SNPH: variants seen among roughly 807,000 people sequenced by gnomAD.
SNPH encodes syntaphilin.
SNPH carries 10 observed loss-of-function variants against 36.8 expected under a neutral mutation model. That is an observed-to-expected ratio of 0.27 (90% CI 0.17 to 0.46). The LOEUF is 0.46. Ranked by LOEUF, SNPH falls within the 20% of genes least tolerant of loss-of-function variation. The probability of loss-of-function intolerance (pLI) is 1.00; values close to 1 mark genes in which losing one functional copy is unlikely to be tolerated. For missense variants in SNPH, 622 were observed against 744.0 expected (o/e 0.84, Z 1.91); for synonymous variants, 281 against 312.2 (o/e 0.90, Z 1.05).
chr20:1,296,997 T>C, intron 4 of SNPH, 148 bp from the exon 5 acceptor site: 1 of 1,372,624 alleles, frequency 7.3e-7, no homozygotes, highest in Non-Finnish European at 9.6e-7. Flanking sequence ...GTCACCCCTG[T>C]CTGTGCGTCT....
At chr20:1,290,582 T>G (rs917761170) in intron 2 of SNPH, among the ~76,000 whole-genome samples, 2 of 152,240 alleles carry the variant, frequency 1.3e-5, no homozygotes, top group Middle Eastern at 3.2e-3. Context: ...TGTTTATCCA[T>G]TCTTCTATTG....
chr20:1,300,654 T>C lies in SNPH; in HGVS notation c.383T>C (p.Val128Ala). ...CTGACCCCCCTGCAGCAGAAGGAGGTGTGCATCCGGCACCTGAAAGCCCGG... is the reference window on the plus strand; with the variant it reads ...CTGACCCCCCTGCAGCAGAAGGAGGCGTGCATCCGGCACCTGAAAGCCCGG... ...QYLTPLQQKE[V>A]CIRHLKARLK... The change falls in exon 6 of 7, where the codon GTG (valine) becomes GCG (alanine). Residue 128 changes from valine to alanine, a missense_variant. This residue lies in a region of SNPH where 187 missense variants were observed against 209.4 expected (regional missense o/e 0.89). Coordinates refer to ENST00000381867, the MANE Select transcript of SNPH (RefSeq NM_001318234.2). 1 of 1,612,468 alleles carries C rather than the reference T, an allele frequency of 6.2e-7. No individual in the cohort carries two copies. The highest frequency in any genetic ancestry group is 1.8e-4 in the Middle Eastern group (1 of 5,420).
chr20:1,290,933 T>C (rs142585951), intron 2 of SNPH, among the ~76,000 whole-genome samples: 1 of 152,352 alleles, frequency 6.6e-6, no homozygotes, highest in East Asian at 1.9e-4. Flanking sequence ...AAGTATTCCA[T>C]AGATTTTTAA....
In SNPH at chr20:1,293,473, G is replaced by A. The variant is rs1036398385; in HGVS notation, c.-492-1478G>A. Among the ~76,000 whole-genome samples, 5 of 152,268 alleles carry A rather than the reference G, an allele frequency of 3.3e-5. No homozygotes were observed. In the East Asian group the frequency reaches 5.8e-4, roughly 18 times the overall value. On this transcript the variant is annotated intron_variant, in intron 2 of 6. Coordinates refer to ENST00000381867, the MANE Select transcript of SNPH (RefSeq NM_001318234.2). ...TCTGGCCACCTGGGGAGAGGCCTGC[G>A]GGACTCCAGGCTAAGCAGGTGGCAT...
chr20:1,289,083 G>A (rs963582814), intron 2 of SNPH, among the ~76,000 whole-genome samples: 11 of 152,210 alleles, frequency 7.2e-5, no homozygotes, highest in African/African-American at 2.6e-4. Context: ...TTTCTTTTAT[G>A]CAGCAGAATG....
chr20:1,279,299 C>A (rs2088187849), intron 2 of SNPH, among the ~76,000 whole-genome samples: 1 of 152,168 alleles, frequency 6.6e-6, no homozygotes, highest in Non-Finnish European at 1.5e-5. Context: ...CTTTAATTGG[C>A]ATTTTCCTAA....
chr20:1,277,405 GTATGTC>G (rs975419136), intron 2 of SNPH, among the ~76,000 whole-genome samples: 8 of 151,774 alleles, frequency 5.3e-5, no homozygotes, highest in African/African-American at 1.9e-4. Context: ...CTATGTGTGT[GTATGTC>G]TGTGTCTGTG....
At position 1,308,743 on chromosome 20, in the gene SNPH, T is replaced by C. The variant is rs2088615766; in HGVS notation, c.*2689T>C. Reference sequence around the variant, plus strand: ...CCCTCAGCCTCTGAAACAGAAATCTTTGGGGCCTCCCCTTTCCCCAGCGTC... The same window carrying C: ...CCCTCAGCCTCTGAAACAGAAATCTCTGGGGCCTCCCCTTTCCCCAGCGTC... On this transcript the variant is annotated 3_prime_UTR_variant, in exon 7 of 7. Transcript: ENST00000381867. 6.6e-6 allele frequency: 1 copy of C among 152,444 alleles called. No homozygotes were observed. The highest frequency in any genetic ancestry group is 1.5e-5 in the Non-Finnish European group (1 of 68,218). 9.4% of individuals were successfully genotyped at this position (152,444 alleles called of 1,614,324 possible). A position where few individuals can be genotyped will look rare whatever the true frequency, so the allele number is the denominator to read the frequency against.
rs6078405 is a variant in SNPH at position 1,266,602 on chromosome 20, T to C, written c.-599-52T>C. 0.13 allele frequency: 184,943 copies of C among 1,422,670 alleles called. 13,087 individuals carry two copies. Among genetic ancestry groups the C allele is most frequent in the South Asian group, 0.14 (9,118 of 63,054 alleles). The allele number at this position is 1,422,670 out of a possible 1,614,324, so 88.1% of individuals were successfully genotyped here. A position where few individuals can be genotyped will look rare whatever the true frequency, so the allele number is the denominator to read the frequency against. ...GCCGGGGGCTCAGCTGCCTGGGTGT[T>C]CCCCGCCCGCGCTCACCCGCCCCGG... On this transcript the variant is annotated intron_variant, in intron 1 of 6. Transcript: ENST00000381867. This position sits in a 1 kb window ranked among gnomAD's most constrained non-coding sequence, Gnocchi z 6.0.
intron 5 of SNPH, among the ~76,000 whole-genome samples, chr20:1,297,825 C>T (rs141114817): frequency 3.5e-4 from 54 of 152,280 alleles, no homozygotes; most frequent in Admixed American, 1.8e-3. Flanking sequence ...ATGGGGGTTC[C>T]GCTAGGAAGA....
At chr20:1,295,415 T>C (rs1341558193) in intron 3 of SNPH, among the ~76,000 whole-genome samples, 3 of 151,938 alleles carry the variant, frequency 2.0e-5, no homozygotes, top group African/African-American at 7.3e-5. Context: ...CAGTGATGGG[T>C]CTCTCTAGGC....
Position 1,305,594 on chromosome 20 carries a change from C to T in SNPH, c.1157C>T (p.Pro386Leu). The T allele has an allele frequency of 6.2e-7, 1 of 1,613,590 alleles. No individual in the cohort carries two copies. ...CAGGCCCAGGTCTGTGGGACAGACC[C>T]TGAGTCAGGGGACAGGTGCCCAGAG... ...VTQAQVCGTDPESGDRCPELD... is the reference protein window; with the variant it reads ...VTQAQVCGTDLESGDRCPELD... Residue 386 changes from proline (P) to leucine (L), a missense_variant, in exon 7 of 7, where the codon CCT becomes CTT. By Grantham distance (98) the Pro-to-Leu change is moderately conservative. Transcript: ENST00000381867.
rs2088537693 is a variant in SNPH, at chr20:1,304,146, A to G, written c.441-732A>G. On this transcript the variant is annotated intron_variant, in intron 6 of 6. Transcript: ENST00000381867. The surrounding 1 kb of genome is among the most constrained non-coding windows in gnomAD (Gnocchi z 4.3). ...GCCCCCGTCGCTCAGGAGTAACTCT[A>G]TGCCTTTCTCGTTGATCTTTTCAGC... Among the ~76,000 whole-genome samples, 1 of 152,116 alleles carries G rather than the reference A, an allele frequency of 6.6e-6. No homozygotes were observed. Among genetic ancestry groups the G allele is most frequent in the Admixed American group, 6.6e-5 (1 of 15,262 alleles).
Position 1,304,980 on chromosome 20 carries a change from G to A in SNPH, c.543G>A (p.Glu181=), listed in dbSNP as rs775496762. The change falls in exon 7 of 7, where the codon GAG becomes GAA. Residue 181 remains glutamate, a synonymous_variant. Transcript: ENST00000381867. This position sits in a 1 kb window ranked among gnomAD's most constrained non-coding sequence, Gnocchi z 4.3. ...HRVEAQLALK[E]ARKEIKQLKQ... is the part of the protein sequence containing the mutation. ...TGGAGGCCCAGCTGGCCCTGAAGGAGGCCCGAAAGGAGATCAAGCAGCTCA... is the reference window on the plus strand; with the variant it reads ...TGGAGGCCCAGCTGGCCCTGAAGGAAGCCCGAAAGGAGATCAAGCAGCTCA... 1.2e-6 allele frequency: 2 copies of A among 1,613,880 alleles called. No individual in the cohort carries two copies. The highest frequency in any genetic ancestry group is 1.3e-5 in the African/African-American group (1 of 74,952).
Position 1,305,296 on chromosome 20 carries a change from A to G in SNPH, c.859A>G (p.Ser287Gly), listed in dbSNP as rs145008832. 3.7e-6 allele frequency: 6 copies of G among 1,610,450 alleles called. No homozygotes were observed. In the African/African-American group the frequency reaches 6.7e-5, roughly 18 times the overall value. The change falls in exon 7 of 7, where the codon AGT (serine) becomes GGT (glycine). Residue 287 changes from serine to glycine, a missense_variant. Around this residue, in one of 3 missense-constraint regions of SNPH, gnomAD observed 379 missense variants for 427.9 expected, o/e 0.89. Coordinates refer to ENST00000381867, the MANE Select transcript of SNPH (RefSeq NM_001318234.2). ...SSGSAEDGAD[S>G]GFAAADDTLS... ...CGGCTCTGCTGAGGATGGGGCAGAC[A>G]GTGGCTTTGCAGCAGCCGATGACAC...
rs960219793 is a variant in SNPH at position 1,294,177 on chromosome 20, T to C, written c.-492-774T>C. On this transcript the variant is annotated intron_variant, in intron 2 of 6. Coordinates refer to ENST00000381867, the MANE Select transcript of SNPH (RefSeq NM_001318234.2). The surrounding 1 kb of genome is among the most constrained non-coding windows in gnomAD (Gnocchi z 4.4). ...ATGTCACACCTGCAGCTGTGTGACC[T>C]TGGGCCCAAATGCAGTAACAAAGCC... 6.6e-6 allele frequency among the ~76,000 whole-genome samples: 1 copy of C among 152,226 alleles called. No individual in the cohort carries two copies. Among genetic ancestry groups the C allele is most frequent in the African/African-American group, 2.4e-5 (1 of 41,456 alleles).
rs6041254 is a variant in SNPH, at chr20:1,301,403, C to T, written c.440+692C>T. 3.6e-3 allele frequency among the ~76,000 whole-genome samples: 542 copies of T among 152,310 alleles called. 6 individuals are homozygous for T. The highest frequency in any genetic ancestry group is 0.012 in the African/African-American group (507 of 41,560). On this transcript the variant is annotated intron_variant, in intron 6 of 6. Transcript: ENST00000381867. ...ATTGTCTTAACTATCCTTCTCGGGA[C>T]TGTGTCTATGCAAACATGCAGCCTA...
At chr20:1,275,181 G>T (rs909468785) in intron 2 of SNPH, among the ~76,000 whole-genome samples, 15 of 152,168 alleles carry the variant, frequency 9.9e-5, no homozygotes, top group Non-Finnish European at 2.9e-5. Context: ...CTCATTTCCA[G>T]TTCTGCCACT....
intron 2 of SNPH, among the ~76,000 whole-genome samples, chr20:1,277,003 TAATTG>T (rs944102501): frequency 6.6e-6 from 1 of 152,162 alleles, no homozygotes; most frequent in African/African-American, 2.4e-5. Flanking sequence ...AGTTGTGAAC[TAATTG>T]AAGGCTTTCT....
Sources: gnomAD v4.1 joint callset for allele counts (sites outside exome capture counted in the v4.1 genomes callset) on GRCh38, gnomAD v4.1.1 for gene constraint, gnomAD v4.1.1 regional missense constraint, Gnocchi (gnomAD v3.1) non-coding constraint, MANE v1.5 for transcripts, NCBI Gene and HGNC (gene_info 2026-07-23, HGNC 2026-07-21) for gene names.